PTPRN2: variants seen among roughly 807,000 people sequenced by gnomAD.
The protein encoded by PTPRN2 is protein tyrosine phosphatase receptor type N2.
In PTPRN2, 74 loss-of-function variants were observed where a neutral mutation model predicts 118.8. That is an observed-to-expected ratio of 0.62 (90% CI 0.52 to 0.76). The LOEUF is 0.76. Among genes scored for constraint, PTPRN2 ranks in the 30% least tolerant of loss-of-function variants. The pLI, the probability that PTPRN2 is intolerant of heterozygous loss-of-function variation, is 0.00. For missense variants in PTPRN2, 1,481 were observed against 1,394.4 expected, an observed-to-expected ratio of 1.06 and a Z score of -0.99; for synonymous variants, 641 against 608.0, an observed-to-expected ratio of 1.05 and a Z score of -0.80.
intron 1 of PTPRN2, among the ~76,000 whole-genome samples, chr7:158,532,314 C>A (rs970422466): frequency 6.6e-6 from 1 of 152,196 alleles, no homozygotes; most frequent in Non-Finnish European, 1.5e-5. Context: ...TATGACCAGG[C>A]TCTTAGATGC....
rs558848604 is a variant in PTPRN2, at chr7:157,782,652, C to T, written c.1789-99715G>A. Among the ~76,000 whole-genome samples the T allele has an allele frequency of 1.6e-4, 24 of 152,336 alleles. No individual in the cohort carries two copies. In the East Asian group the frequency reaches 3.7e-3, roughly 23 times the overall value. ...CTGCCCCCAGGGGTCCCTGAAAGAA[C>T]GACGAGTGTCGGTACTCCAAGAAAT... On this transcript the variant is annotated intron_variant, in intron 12 of 22. Transcript: ENST00000389418.
chr7:157,943,741 C>T (rs1800292114), intron 11 of PTPRN2, among the ~76,000 whole-genome samples: 2 of 152,034 alleles, frequency 1.3e-5, no homozygotes, highest in South Asian at 4.2e-4. Context: ...CCCTCTAGGA[C>T]ACCGAAGCCC....
chr7:157,774,513 A>G (rs1246913352), intron 12 of PTPRN2, among the ~76,000 whole-genome samples: 1 of 152,266 alleles, frequency 6.6e-6, no homozygotes, highest in Non-Finnish European at 1.5e-5. Context: ...GAGTTTAAGA[A>G]AATGGTAAGC....
intron 11 of PTPRN2, among the ~76,000 whole-genome samples, chr7:158,000,222 T>C (rs1029937127): frequency 2.6e-5 from 4 of 152,134 alleles, no homozygotes; most frequent in Middle Eastern, 3.2e-3. Flanking sequence ...CTTGCCTCAC[T>C]AATAAAACTT....
chr7:157,989,612 A>G lies in PTPRN2; in HGVS notation c.1724-90875T>C, dbSNP rs559309824. On this transcript the variant is annotated intron_variant, in intron 11 of 22. Coordinates refer to ENST00000389418, the MANE Select transcript of PTPRN2 (RefSeq NM_002847.5). ...CCAAGTGCGTCTAAGGGGTGGAGGG[A>G]TGAGGGGGGTGGGTGCCTTCGTGGC... 6.8e-4 allele frequency among the ~76,000 whole-genome samples: 90 copies of G among 132,934 alleles called. 1 individual carries two copies. Among genetic ancestry groups the G allele is most frequent in the African/African-American group, 2.5e-3 (85 of 34,658 alleles). 87.2% of individuals were successfully genotyped at this position (132,934 alleles called of 152,430 possible). A position where few individuals can be genotyped will look rare whatever the true frequency, so the allele number is the denominator to read the frequency against.
chr7:157,657,862 T>C (rs1238281536), intron 13 of PTPRN2, among the ~76,000 whole-genome samples: 6 of 71,106 alleles, frequency 8.4e-5, no homozygotes, highest in East Asian at 4.7e-4. Context: ...ACATCACACA[T>C]ATACACACAC....
chr7:157,738,388 G>A (rs1800427533), intron 12 of PTPRN2, among the ~76,000 whole-genome samples: 1 of 152,218 alleles, frequency 6.6e-6, no homozygotes, highest in Admixed American at 6.5e-5. Context: ...GCGAAGGGAG[G>A]AGGGCAGGGT....
rs117626077 is a variant in PTPRN2, at chr7:158,438,880, G to A, written c.163+50855C>T. ...GGACTCCAAAATCTCCAGGCTAAAG[G>A]GAAAAGTCAAGCTGGGAACTGCTCA... is the stretch of plus-strand genomic sequence containing the variant. On this transcript the variant is annotated intron_variant, in intron 2 of 22. Coordinates refer to ENST00000389418, the MANE Select transcript of PTPRN2 (RefSeq NM_002847.5). The surrounding 1 kb of genome is among the most constrained non-coding windows in gnomAD (Gnocchi z 4.7). Among the ~76,000 whole-genome samples the A allele has an allele frequency of 6.6e-6, 1 of 152,128 alleles. No individual in the cohort carries two copies. The highest frequency in any genetic ancestry group is 2.4e-5 in the African/African-American group (1 of 41,424).
intron 12 of PTPRN2, among the ~76,000 whole-genome samples, chr7:157,843,183 G>C (rs1808560339): frequency 2.0e-5 from 3 of 152,204 alleles, no homozygotes; most frequent in Admixed American, 2.0e-4. Context: ...AAATGTGTGA[G>C]AACCCCTGCT....
chr7:158,484,988 G>C (rs918510740), intron 2 of PTPRN2, among the ~76,000 whole-genome samples: 1 of 152,160 alleles, frequency 6.6e-6, no homozygotes, highest in East Asian at 1.9e-4. Flanking sequence ...ACGAGCGCAA[G>C]GGCACCCCTC....
chr7:157,772,294 CACAG>C (rs1304689461), intron 12 of PTPRN2, among the ~76,000 whole-genome samples: 2 of 151,414 alleles, frequency 1.3e-5, no homozygotes, highest in South Asian at 4.2e-4. Flanking sequence ...CACACAAACA[CACAG>C]ACATACAGAC....
At chr7:158,137,001 T>A (rs920295762) in intron 7 of PTPRN2, among the ~76,000 whole-genome samples, 2 of 151,524 alleles carry the variant, frequency 1.3e-5, no homozygotes, top group Non-Finnish European at 2.9e-5. Flanking sequence ...AAAAACCCCA[T>A]CGTACCGAGC....
chr7:157,805,007 C>T (rs1421897595), intron 12 of PTPRN2, among the ~76,000 whole-genome samples: 1 of 152,218 alleles, frequency 6.6e-6, no homozygotes, highest in Admixed American at 6.5e-5. Context: ...TGCGCTGCCT[C>T]AGCGTGGGGT....
intron 3 of PTPRN2, among the ~76,000 whole-genome samples, chr7:158,274,663 T>G (rs550029387): frequency 3.8e-4 from 58 of 152,168 alleles, no homozygotes; most frequent in Non-Finnish European, 7.5e-4. Flanking sequence ...CGTGGCTTCC[T>G]GCTGCCTGGG....
At chr7:157,634,015 C>A (rs539219120) in intron 14 of PTPRN2, among the ~76,000 whole-genome samples, 19 of 152,202 alleles carry the variant, frequency 1.2e-4, no homozygotes, top group Non-Finnish European at 2.4e-4. Context: ...GCATGGGGAA[C>A]AGCGCGTGGG....
chr7:158,411,563 T>C (rs1394423839), intron 2 of PTPRN2, among the ~76,000 whole-genome samples: 1 of 152,188 alleles, frequency 6.6e-6, no homozygotes, highest in African/African-American at 2.4e-5. Context: ...CCGTGGGAGA[T>C]GGGATCCCCC....
chr7:158,551,525 A>G (rs1288253563), intron 1 of PTPRN2, among the ~76,000 whole-genome samples: 12 of 83,994 alleles, frequency 1.4e-4, no homozygotes, highest in East Asian at 4.1e-4. Flanking sequence ...TTGCATCTGG[A>G]GTGGGGCTCT....
chr7:157,849,111 C>T (rs1444543868), intron 12 of PTPRN2, among the ~76,000 whole-genome samples: 3 of 152,238 alleles, frequency 2.0e-5, no homozygotes, highest in Non-Finnish European at 4.4e-5. Context: ...AGGTCCTTCT[C>T]AGTTCCCACC....
intron 11 of PTPRN2, among the ~76,000 whole-genome samples, chr7:158,002,365 A>T (rs877002): frequency 0.67 from 101,558 of 151,982 alleles, 34,346 homozygotes; most frequent in East Asian, 0.88. Flanking sequence ...TTAGTGCCAC[A>T]GAGTTTCGGC....
Sources: gnomAD v4.1 joint callset for allele counts (sites outside exome capture counted in the v4.1 genomes callset) on GRCh38, gnomAD v4.1.1 for gene constraint, Gnocchi (gnomAD v3.1) non-coding constraint, MANE v1.5 for transcripts, NCBI Gene and HGNC (gene_info 2026-07-23, HGNC 2026-07-21) for gene names.